NBPF14: variants seen among roughly 807,000 people sequenced by gnomAD.
NBPF14 encodes the protein NBPF family member NBPF14.
In NBPF14, 104 loss-of-function variants were observed where a neutral mutation model predicts 91.2. The observed-to-expected ratio is 1.14, with a 90% CI of 0.97 to 1.34. The LOEUF (loss-of-function observed/expected upper bound fraction) is 1.34, where lower values mean the gene tolerates loss of function less well. Ranked by LOEUF, NBPF14 falls within the 40% of genes most tolerant of loss-of-function variation. The pLI is 0.00. For missense variants in NBPF14, 908 were observed against 783.0 expected, an observed-to-expected ratio of 1.16 and a Z score of -1.91; for synonymous variants, 294 against 303.8, an observed-to-expected ratio of 0.97 and a Z score of 0.34.
chr1:148,587,282 C>T lies in NBPF14; in HGVS notation c.1091+19G>A. 1.3e-6 allele frequency: 2 copies of T among 1,565,690 alleles called. No homozygotes were observed. Among genetic ancestry groups the T allele is most frequent in the Non-Finnish European group, 8.7e-7 (1 of 1,144,016 alleles). Reference sequence around the variant, plus strand: ...TTTACACACCTGCCCCCCTGCCTGCCCCCATGGGGTCCCCTCACCTGAGCT... The same window carrying T: ...TTTACACACCTGCCCCCCTGCCTGCTCCCATGGGGTCCCCTCACCTGAGCT... On this transcript the variant is annotated intron_variant, in intron 8 of 70. Coordinates refer to ENST00000619423, the Ensembl canonical transcript of NBPF14.
Position 148,592,700 on chromosome 1 carries a change from T to C in NBPF14, c.345A>G (p.Glu115=). The stretch of plus-strand genomic sequence containing the variant: ...ACAATGAGCGGGAGGCATCTCTCCC[T>C]TCCCGTAACTTCTCCCTTAGCTGGG... The change falls in exon 4 of 71, where the codon GAA becomes GAG. Residue 115 remains glutamate, a synonymous_variant. Coordinates refer to ENST00000619423, the Ensembl canonical transcript of NBPF14. The C allele has an allele frequency of 1.3e-6, 2 of 1,587,460 alleles. 1 individual carries two copies. The highest frequency in any genetic ancestry group is 1.7e-6 in the Non-Finnish European group (2 of 1,160,698).
At chr1:148,575,850 A>T in intron 16 of NBPF14, 39 bp from the exon 17 acceptor site, 1 of 309,746 alleles carries the variant, frequency 3.2e-6, no homozygotes, top group South Asian at 2.3e-5. Flanking sequence ...AGCCAGGGGG[A>T]ATCAGAAACC....
At chr1:148,557,657 C>T (rs1165798585) in intron 39 of NBPF14, 115 bp from the exon 40 acceptor site, 14 of 611,682 alleles carry the variant, frequency 2.3e-5, no homozygotes, top group Non-Finnish European at 3.7e-5. Flanking sequence ...AGAACAGGAC[C>T]ATGTGAGAGA....
At chr1:148,534,187 C>T (rs587727647) in intron 69 of NBPF14, among the ~76,000 whole-genome samples, 1 of 149,930 alleles carries the variant, frequency 6.7e-6, no homozygotes, top group Admixed American at 6.8e-5. Context: ...TCTAGTAGAT[C>T]GTTATCCCAA....
chr1:148,589,970 GT>G (rs1391964285), intron 6 of NBPF14, among the ~76,000 whole-genome samples: 7 of 144,492 alleles, frequency 4.8e-5, no homozygotes, highest in African/African-American at 1.8e-4. Flanking sequence ...GAGCTCAGGT[GT>G]TCCGCCCACC....
chr1:148,557,115 A>G (rs1200483450), intron 40 of NBPF14, among the ~76,000 whole-genome samples: 4 of 125,280 alleles, frequency 3.2e-5, no homozygotes, highest in Non-Finnish European at 4.7e-5. Flanking sequence ...GAGCTCAGTG[A>G]ATTGTCCAGG....
At chr1:148,534,657 T>A (rs1168989032) in intron 69 of NBPF14, 27 bp downstream of exon 69, 2 of 845,636 alleles carry the variant, frequency 2.4e-6, no homozygotes, top group Non-Finnish European at 4.1e-6. Context: ...AGGTGGAGGC[T>A]TATCACCTTC....
intron 14 of NBPF14, among the ~76,000 whole-genome samples, chr1:148,577,597 GGTCA>G (rs1392518983): frequency 1.0e-4 from 15 of 150,050 alleles, no homozygotes; most frequent in East Asian, 2.0e-4. Flanking sequence ...CACAGAGCGA[GGTCA>G]GTCAATTGGT....
At chr1:148,572,356 G>T in intron 21 of NBPF14, 87 bp downstream of exon 21, 2 of 322,058 alleles carry the variant, frequency 6.2e-6, no homozygotes, top group South Asian at 4.8e-5. Flanking sequence ...ACGTCTCTCG[G>T]GTCAGTAAGG....
At position 148,587,353 on chromosome 1, in the gene NBPF14, G is replaced by A; in HGVS notation, c.1039C>T (p.Gln347Ter). ...TCCGCAAGCTTCTCCTCCTTGAACTGTCGCTCATTCCTCAGCATAAATTTT... is the reference window on the plus strand; with the variant it reads ...TCCGCAAGCTTCTCCTCCTTGAACTATCGCTCATTCCTCAGCATAAATTTT... Residue 347 changes from glutamine (Q) to a stop codon, truncating the protein, a stop_gained, in exon 8 of 71, where the codon CAG (glutamine) becomes TAG (stop). Coordinates refer to ENST00000619423, the Ensembl canonical transcript of NBPF14. LOFTEE classifies it high-confidence loss of function. 1 of 1,583,266 alleles carries A rather than the reference G, an allele frequency of 6.3e-7. No homozygotes were observed. The highest frequency in any genetic ancestry group is 8.6e-7 in the Non-Finnish European group (1 of 1,160,030).
chr1:148,560,234 G>A (rs1258635427), intron 36 of NBPF14, among the ~76,000 whole-genome samples: 1 of 150,454 alleles, frequency 6.6e-6, no homozygotes, highest in African/African-American at 2.5e-5. Context: ...GTGACATACT[G>A]GTAAGGGAGT....
intron 14 of NBPF14, among the ~76,000 whole-genome samples, 161 bp from the exon 15 acceptor site, chr1:148,577,516 G>A (rs1440951770): frequency 6.7e-6 from 1 of 150,020 alleles, no homozygotes; most frequent in Admixed American, 6.6e-5. Flanking sequence ...ATAGACTATG[G>A]CCAGGTAGAA....
intron 6 of NBPF14, among the ~76,000 whole-genome samples, chr1:148,590,194 C>T (rs1553337717): frequency 7.0e-6 from 1 of 142,292 alleles, no homozygotes; most frequent in African/African-American, 2.5e-5. Context: ...GGACTACAGG[C>T]GCCCACCACC....
intron 2 of NBPF14, among the ~76,000 whole-genome samples, chr1:148,594,953 C>A (rs1663071645): frequency 8.2e-6 from 1 of 121,472 alleles, no homozygotes; most frequent in Non-Finnish European, 1.7e-5. Flanking sequence ...GCCTCAGCCT[C>A]CCAAAGTGCT....
At chr1:148,592,648 G>C in exon 4 of NBPF14, 1 of 1,588,412 alleles carries the variant, frequency 6.3e-7, no homozygotes, top group Non-Finnish European at 8.6e-7. Flanking sequence ...GGCTCATACG[G>C]AGTGAGGAGG....
chr1:148,577,828 TTTACTC>T, intron 14 of NBPF14, among the ~76,000 whole-genome samples, 149 bp downstream of exon 14: 1 of 137,112 alleles, frequency 7.3e-6, no homozygotes, highest in Admixed American at 7.4e-5. Flanking sequence ...AACCTAAACA[TTTACTC>T]TAATGAGAAC....
At chr1:148,566,512 C>CAA (rs1350673812) in intron 28 of NBPF14, among the ~76,000 whole-genome samples, 197 bp from the exon 29 acceptor site, 7 of 93,704 alleles carry the variant, frequency 7.5e-5, no homozygotes, top group African/African-American at 4.1e-4. Flanking sequence ...AAGACAGACA[C>CAA]ACACACACAC....
At chr1:148,561,790 C>CAA (rs1657796128) in intron 34 of NBPF14, among the ~76,000 whole-genome samples, 1 of 125,154 alleles carries the variant, frequency 8.0e-6, no homozygotes, top group South Asian at 2.5e-4. Flanking sequence ...CACACACACA[C>CAA]ACACACACAC....
intron 70 of NBPF14, 70 bp from the exon 71 acceptor site, chr1:148,533,318 C>A (rs1654039436): frequency 8.2e-6 from 4 of 489,870 alleles, no homozygotes; most frequent in Non-Finnish European, 1.4e-5. Context: ...AGCTAGATTT[C>A]AGAAGCAACA....
Sources: allele counts gnomAD v4.1 joint callset (sites outside exome capture counted in the v4.1 genomes callset), GRCh38; gene constraint gnomAD v4.1.1; transcripts MANE v1.5; gene names NCBI Gene and HGNC (gene_info 2026-07-23, HGNC 2026-07-21).